Variants in PPP1R21 observed in about 807,000 individuals in gnomAD.
PPP1R21 encodes the protein protein phosphatase 1 regulatory subunit 21.
A neutral mutation model predicts 112.8 loss-of-function variants in PPP1R21; 85 were observed. That is an observed-to-expected ratio of 0.75 (90% CI 0.63 to 0.90). The LOEUF is 0.90. PPP1R21 is among the 40% of genes least tolerant of loss of function. The pLI is 0.00. For synonymous variants in PPP1R21, 381 were observed against 322.3 expected (o/e 1.18, Z -1.95); for missense variants, 1,199 against 901.5 (o/e 1.33, Z -4.23).
At chr2:48,458,667 TC>T (rs1667833619) in intron 4 of PPP1R21, among the ~76,000 whole-genome samples, 1 of 151,656 alleles carries the variant, frequency 6.6e-6, no homozygotes, top group South Asian at 2.1e-4. Flanking sequence ...AACTGTAAGG[TC>T]TCTGAGGGTA....
chr2:48,454,479 A>C, intron 2 of PPP1R21, 116 bp from the exon 3 acceptor site: 1 of 1,308,024 alleles, frequency 7.6e-7, no homozygotes, highest in Non-Finnish European at 1.1e-6. Context: ...TACAACCTGA[A>C]TTTCCTAAAG....
At chr2:48,461,072 C>T (rs749582153) in intron 6 of PPP1R21, 66 bp from the exon 7 acceptor site, 2 of 1,519,008 alleles carry the variant, frequency 1.3e-6, no homozygotes, top group Admixed American at 2.5e-5. Context: ...GTTGAGGTAA[C>T]AAATAAATGA....
At position 48,515,248 on chromosome 2, in the gene PPP1R21, T is replaced by TCTCTCTCTCTCTCTCTC. The variant is rs1247831452; in HGVS notation, c.*506_*507insCTCTCTCTCTCTCTCCT. ...TCTCTCTCTCTCTCTCTCTCTCTCTTCTTTCTCTCTGAGGGAGAGGGAGCC... is the reference window on the plus strand; with the variant it reads ...TCTCTCTCTCTCTCTCTCTCTCTCTTCTCTCTCTCTCTCTCTCCTTTCTCTCTGAGGGAGAGGGAGCC... On this transcript the variant is annotated 3_prime_UTR_variant, in exon 22 of 22. Transcript: ENST00000294952. 1 of 25,096 alleles carries TCTCTCTCTCTCTCTCTC rather than the reference T, an allele frequency of 4.0e-5. No homozygotes were observed. The highest frequency in any genetic ancestry group is 1.6e-4 in the African/African-American group (1 of 6,124). 1.6% of individuals were successfully genotyped at this position (25,096 alleles called of 1,614,324 possible).
At chr2:48,472,703 C>A (rs527256492) in intron 11 of PPP1R21, among the ~76,000 whole-genome samples, 65 of 151,504 alleles carry the variant, frequency 4.3e-4, no homozygotes, top group Admixed American at 6.6e-4. Context: ...AATCCCAATA[C>A]CTTGTGAGGT....
chr2:48,501,588 C>G (rs923430844), intron 17 of PPP1R21, among the ~76,000 whole-genome samples: 1 of 152,200 alleles, frequency 6.6e-6, no homozygotes, highest in Non-Finnish European at 1.5e-5. Context: ...ATCCCAAGCC[C>G]TGCCCTCTTA....
Position 48,512,436 on chromosome 2 carries a change from C to T in PPP1R21, c.2313+968C>T, listed in dbSNP as rs1013371856. On this transcript the variant is annotated intron_variant, in intron 21 of 21. Coordinates refer to ENST00000294952, the MANE Select transcript of PPP1R21 (RefSeq NM_001135629.3). ...ACCATCAGCTGGGATTTACCATCTCCAGCCTGCAGTCTTTGAGATCTGCTG... is the reference window on the plus strand; with the variant it reads ...ACCATCAGCTGGGATTTACCATCTCTAGCCTGCAGTCTTTGAGATCTGCTG... Among the ~76,000 whole-genome samples, 17 of 147,484 alleles carry T rather than the reference C, an allele frequency of 1.2e-4. 1 individual carries two copies. The highest frequency in any genetic ancestry group is 7.3e-4 in the Admixed American group (11 of 15,106).
chr2:48,491,008 C>A lies in PPP1R21; in HGVS notation c.1447-10C>A. On this transcript the variant is annotated splice_polypyrimidine_tract_variant and intron_variant, in intron 14 of 21. Coordinates refer to ENST00000294952, the MANE Select transcript of PPP1R21 (RefSeq NM_001135629.3). ...AAACAAAATCTATTTCCTTGTCATA[C>A]TTTGTTTAGATTGCATCCTTCTTCA... 6.2e-7 allele frequency: 1 copy of A among 1,610,984 alleles called. No individual in the cohort carries two copies. The highest frequency in any genetic ancestry group is 1.3e-5 in the African/African-American group (1 of 74,962).
At chr2:48,450,151 C>T (rs1346036905) in intron 1 of PPP1R21, among the ~76,000 whole-genome samples, 3 of 152,164 alleles carry the variant, frequency 2.0e-5, no homozygotes, top group Admixed American at 1.3e-4. Flanking sequence ...GCATCTCTCA[C>T]CTCTCCAGCT....
At chr2:48,474,895 G>A (rs1668682391) in intron 12 of PPP1R21, 76 bp downstream of exon 12, 1 of 1,292,546 alleles carries the variant, frequency 7.7e-7, no homozygotes, top group Admixed American at 2.1e-5. Context: ...AGATGGTTTA[G>A]CTAAGTAGAG....
At chr2:48,470,153 A>T (rs1344484241) in intron 9 of PPP1R21, among the ~76,000 whole-genome samples, 2 of 152,138 alleles carry the variant, frequency 1.3e-5, no homozygotes, top group Non-Finnish European at 2.9e-5. Context: ...TGCCTATAGG[A>T]TTTTTTTCTG....
At chr2:48,461,071 A>T (rs780656404) in intron 6 of PPP1R21, 67 bp from the exon 7 acceptor site, 1 of 1,524,978 alleles carries the variant, frequency 6.6e-7, no homozygotes, top group Non-Finnish European at 8.7e-7. Flanking sequence ...TGTTGAGGTA[A>T]CAAATAAATG....
intron 17 of PPP1R21, among the ~76,000 whole-genome samples, chr2:48,504,677 G>A (rs951882639): frequency 6.6e-6 from 1 of 152,128 alleles, no homozygotes; most frequent in Non-Finnish European, 1.5e-5. Flanking sequence ...TTCATTGAGT[G>A]TAATATCTTA....
At chr2:48,457,725 T>C (rs182142719) in intron 3 of PPP1R21, among the ~76,000 whole-genome samples, 1 of 152,284 alleles carries the variant, frequency 6.6e-6, no homozygotes, top group East Asian at 1.9e-4. Flanking sequence ...TCTTATGGAG[T>C]TTAACAACTC....
intron 3 of PPP1R21, 62 bp from the exon 4 acceptor site, chr2:48,458,064 T>C: frequency 1.9e-6 from 2 of 1,048,578 alleles, no homozygotes; most frequent in South Asian, 1.3e-5. Flanking sequence ...AGAATCTGTG[T>C]ACCTTAGGAT....
At chr2:48,508,287 G>T (rs1027347481) in intron 19 of PPP1R21, among the ~76,000 whole-genome samples, 1 of 152,126 alleles carries the variant, frequency 6.6e-6, no homozygotes, top group African/African-American at 2.4e-5. Flanking sequence ...GTTATGGATG[G>T]CAGATAGATG....
intron 15 of PPP1R21, 74 bp downstream of exon 15, chr2:48,491,244 C>G (rs1180508666): frequency 1.3e-5 from 20 of 1,502,794 alleles, no homozygotes; most frequent in Non-Finnish European, 1.8e-5. Flanking sequence ...AAGAGTTTTT[C>G]TGCAGTTTAT....
At chr2:48,510,377 T>G (rs1218121880) in intron 20 of PPP1R21, among the ~76,000 whole-genome samples, 2 of 152,260 alleles carry the variant, frequency 1.3e-5, no homozygotes, top group African/African-American at 4.8e-5. Flanking sequence ...AATTTTTCTT[T>G]CCCCTTCCTT....
chr2:48,512,794 G>A (rs1670699550), intron 21 of PPP1R21, among the ~76,000 whole-genome samples: 1 of 152,034 alleles, frequency 6.6e-6, no homozygotes, highest in African/African-American at 2.4e-5. Flanking sequence ...TGTGGTTCAG[G>A]AAACTTGAGC....
chr2:48,481,432 C>T (rs182145609), intron 13 of PPP1R21, among the ~76,000 whole-genome samples: 10 of 152,314 alleles, frequency 6.6e-5, no homozygotes, highest in African/African-American at 2.2e-4. Flanking sequence ...ATAGAAAAAT[C>T]CAAGAGATGG....
Sources: gnomAD v4.1 joint callset for allele counts (sites outside exome capture counted in the v4.1 genomes callset) on GRCh38, gnomAD v4.1.1 for gene constraint, MANE v1.5 for transcripts, NCBI Gene and HGNC (gene_info 2026-07-23, HGNC 2026-07-21) for gene names.